The following MRAS variants were observed in gnomAD, a reference collection of about 807,000 sequenced individuals.
MRAS encodes the protein ras-related protein M-Ras.
MRAS carries 4 observed loss-of-function variants against 20.9 expected under a neutral mutation model. The observed-to-expected ratio is 0.19, with a 90% CI of 0.09 to 0.44. The LOEUF is 0.44. MRAS is among the 20% of genes least tolerant of loss of function. The probability of loss-of-function intolerance (pLI) is 0.99; values close to 1 mark genes in which losing one functional copy is unlikely to be tolerated. For synonymous variants in MRAS, 98 were observed against 102.9 expected, an observed-to-expected ratio of 0.95 and a Z score of 0.29; for missense variants, 154 against 277.5, an observed-to-expected ratio of 0.56 and a Z score of 3.16.
chr3:138,363,173 C>T (rs897394914), intron 1 of MRAS, among the ~76,000 whole-genome samples: 1 of 152,088 alleles, frequency 6.6e-6, no homozygotes, highest in African/African-American at 2.4e-5. Flanking sequence ...AGTGATTCTC[C>T]TCCCTCAGCC....
Position 138,379,451 on chromosome 3 carries a change from G to A in MRAS, c.193+6375G>A, listed in dbSNP as rs151093495. ...ACGATCACTGCAACCTCCCCCTCCC[G>A]GGTTCAAGCAATTCTCCTGCCTAAG... On this transcript the variant is annotated intron_variant, in intron 2 of 5. Transcript: ENST00000423968. Among the ~76,000 whole-genome samples, 961 of 143,744 alleles carry A rather than the reference G, an allele frequency of 6.7e-3. 8 individuals are homozygous for A. The highest frequency in any genetic ancestry group is 0.024 in the African/African-American group (894 of 37,094). 94.3% of individuals were successfully genotyped at this position (143,744 alleles called of 152,430 possible).
At chr3:138,398,826 G>T (rs373865667) in intron 4 of MRAS, among the ~76,000 whole-genome samples, 4 of 152,222 alleles carry the variant, frequency 2.6e-5, no homozygotes, top group African/African-American at 9.6e-5. Flanking sequence ...ACAACTCAGG[G>T]ACTTCTGAGT....
intron 1 of MRAS, among the ~76,000 whole-genome samples, chr3:138,368,583 A>G (rs961507821): frequency 3.3e-5 from 5 of 152,156 alleles, no homozygotes; most frequent in African/African-American, 4.8e-5. Flanking sequence ...TCTACCTTAT[A>G]CCACCTTCCC....
chr3:138,358,959 A>G (rs1040436185), intron 1 of MRAS, among the ~76,000 whole-genome samples: 8 of 152,138 alleles, frequency 5.3e-5, no homozygotes, highest in African/African-American at 1.9e-4. Flanking sequence ...ACCCACCAAC[A>G]ATAGTTTTAC....
At chr3:138,363,574 C>A (rs2054495266) in intron 1 of MRAS, among the ~76,000 whole-genome samples, 1 of 152,022 alleles carries the variant, frequency 6.6e-6, no homozygotes, top group South Asian at 2.1e-4. Context: ...TGGGCTCAGG[C>A]TCATTTATTT....
intron 1 of MRAS, among the ~76,000 whole-genome samples, chr3:138,368,335 GAGTAA>G (rs1452729905): frequency 6.6e-6 from 1 of 152,206 alleles, no homozygotes; most frequent in East Asian, 1.9e-4. Flanking sequence ...CTCTTCTTGG[GAGTAA>G]AGTAAACAAG....
Position 138,403,261 on chromosome 3 carries a change from GC to G in MRAS, c.*993del, listed in dbSNP as rs2055396532. ...GCTGCGTTTTCACATCAGCTGTGCT[GC>G]TTGGTGCCTCTCTGATACGAATACA... is the stretch of plus-strand genomic sequence containing the variant. On this transcript the variant is annotated 3_prime_UTR_variant, in exon 6 of 6. Coordinates refer to ENST00000423968, the MANE Select transcript of MRAS (RefSeq NM_001085049.3). 1 of 152,174 alleles carries G rather than the reference GC, an allele frequency of 6.6e-6. No homozygotes were observed. The highest frequency in any genetic ancestry group is 1.5e-5 in the Non-Finnish European group (1 of 68,036). The allele number at this position is 152,174 out of a possible 1,614,324, so 9.4% of individuals were successfully genotyped here. A position where few individuals can be genotyped will look rare whatever the true frequency, so the allele number is the denominator to read the frequency against.
intron 2 of MRAS, among the ~76,000 whole-genome samples, chr3:138,380,320 T>TTC (rs2054873364): frequency 1.0e-5 from 1 of 95,774 alleles, no homozygotes; most frequent in African/African-American, 5.8e-5. Flanking sequence ...TCTACTTTCT[T>TTC]TTTTTTTTCT....
intron 1 of MRAS, among the ~76,000 whole-genome samples, chr3:138,353,699 C>A (rs1206745616): frequency 1.3e-5 from 2 of 152,228 alleles, no homozygotes; most frequent in Admixed American, 1.3e-4. Context: ...ATTCATTGAT[C>A]CATCTCTCCA....
chr3:138,375,864 A>G (rs1035359605), intron 2 of MRAS, among the ~76,000 whole-genome samples: 4 of 152,126 alleles, frequency 2.6e-5, no homozygotes, highest in Non-Finnish European at 4.4e-5. Context: ...TCAACTAAAA[A>G]TATAAAAATT....
chr3:138,400,301 T>C (rs1354896631), intron 4 of MRAS: 1 of 469,456 alleles, frequency 2.1e-6, no homozygotes, highest in Non-Finnish European at 3.8e-6. Flanking sequence ...AGGGAGCTAT[T>C]AAATATCTCT....
At chr3:138,369,528 C>T (rs930160330) in intron 1 of MRAS, among the ~76,000 whole-genome samples, 5 of 152,234 alleles carry the variant, frequency 3.3e-5, no homozygotes, top group African/African-American at 7.2e-5. Flanking sequence ...TGGCAGCCAG[C>T]GACAGGCATT....
At chr3:138,375,946 C>T (rs151147553) in intron 2 of MRAS, among the ~76,000 whole-genome samples, 106 of 152,122 alleles carry the variant, frequency 7.0e-4, no homozygotes, top group African/African-American at 2.3e-3. Context: ...CGAGACTGCG[C>T]CACCTCACTC....
At chr3:138,397,677 T>TG (rs1234315540) in intron 3 of MRAS, among the ~76,000 whole-genome samples, 200 bp downstream of exon 3, 1 of 152,228 alleles carries the variant, frequency 6.6e-6, no homozygotes, top group Non-Finnish European at 1.5e-5. Context: ...AAAGAGGCTA[T>TG]GTAATGAAAA....
chr3:138,401,447 T>C (rs1016439406), intron 5 of MRAS, among the ~76,000 whole-genome samples: 4 of 152,208 alleles, frequency 2.6e-5, no homozygotes, highest in Non-Finnish European at 5.9e-5. Context: ...AATATTACAT[T>C]CTTCACTTTA....
intron 2 of MRAS, among the ~76,000 whole-genome samples, chr3:138,384,288 C>T (rs1335938154): frequency 6.6e-6 from 1 of 152,174 alleles, no homozygotes; most frequent in Non-Finnish European, 1.5e-5. Flanking sequence ...GAAGAGCTCA[C>T]TCTGGCTCTG....
intron 2 of MRAS, among the ~76,000 whole-genome samples, chr3:138,376,801 G>A (rs184928087): frequency 6.6e-6 from 1 of 152,310 alleles, no homozygotes; most frequent in Admixed American, 6.5e-5. Flanking sequence ...GTAGTGATAG[G>A]ATACATTGTC....
chr3:138,358,252 G>A (rs1401000911), intron 1 of MRAS, among the ~76,000 whole-genome samples: 4 of 151,932 alleles, frequency 2.6e-5, no homozygotes, highest in Admixed American at 2.0e-4. Context: ...CAGGAGAGTC[G>A]CTTGAATCCA....
intron 1 of MRAS, among the ~76,000 whole-genome samples, chr3:138,359,462 G>C (rs1186229763): frequency 1.3e-5 from 2 of 152,126 alleles, no homozygotes; most frequent in Non-Finnish European, 2.9e-5. Context: ...AGGTTGAATT[G>C]CCTCTCCCCA....
Sources: allele counts gnomAD v4.1 joint callset (sites outside exome capture counted in the v4.1 genomes callset), GRCh38; gene constraint gnomAD v4.1.1; transcripts MANE v1.5; gene names NCBI Gene and HGNC (gene_info 2026-07-23, HGNC 2026-07-21).